MTOR: variants seen among roughly 807,000 people sequenced by gnomAD.
The protein encoded by MTOR is serine/threonine-protein kinase mTOR.
Under a neutral mutation model 319.8 loss-of-function variants are expected in MTOR, and 70 were observed. The observed-to-expected ratio is 0.22, with a 90% CI of 0.18 to 0.27. The LOEUF is 0.27. Among genes scored for constraint, MTOR ranks in the 10% least tolerant of loss-of-function variants. The pLI, the probability that MTOR is intolerant of heterozygous loss-of-function variation, is 1.00. For synonymous variants in MTOR, 1,183 were observed against 1,211.4 expected, an observed-to-expected ratio of 0.98 and a Z score of 0.49; for missense variants, 1,890 against 3,274.4, an observed-to-expected ratio of 0.58 and a Z score of 10.32.
At position 11,108,348 on chromosome 1, in the gene MTOR, C is replaced by T. The variant is rs1196505354; in HGVS notation, c.7529-62G>A. The T allele has an allele frequency of 3.9e-6, 5 of 1,285,756 alleles. No individual in the cohort carries two copies. In the East Asian group the frequency reaches 9.3e-5, roughly 24 times the overall value. 79.6% of individuals were successfully genotyped at this position (1,285,756 alleles called of 1,614,324 possible). On this transcript the variant is annotated intron_variant, in intron 56 of 57. Coordinates refer to ENST00000361445, the MANE Select transcript of MTOR (RefSeq NM_004958.4). ...CTGGCAATCGATGCACTTCTTGTTCCCTGTGGGCTTAACTGTCTATGCCAA... is the reference window on the plus strand; with the variant it reads ...CTGGCAATCGATGCACTTCTTGTTCTCTGTGGGCTTAACTGTCTATGCCAA...
At position 11,121,273 on chromosome 1, in the gene MTOR, C is replaced by A; in HGVS notation, c.6906G>T (p.Leu2302=). Reference sequence around the variant, plus strand: ...CGGAGCTGGGGCTTTTCAGCCACAGCAGCTTGGCCAGGTCGTCCCCAGCTG... The same window carrying A: ...CGGAGCTGGGGCTTTTCAGCCACAGAAGCTTGGCCAGGTCGTCCCCAGCTG... ...NNTAGDDLAK[L]LWLKSPSSEV... The change falls in exon 49 of 58, where the codon CTG becomes CTT. Residue 2302 remains leucine, a synonymous_variant. Coordinates refer to ENST00000361445, the MANE Select transcript of MTOR (RefSeq NM_004958.4). This position sits in a 1 kb window ranked among gnomAD's most constrained non-coding sequence, Gnocchi z 4.9. 1.9e-6 allele frequency: 3 copies of A among 1,613,858 alleles called. No individual in the cohort carries two copies. Among genetic ancestry groups the A allele is most frequent in the Non-Finnish European group, 2.5e-6 (3 of 1,180,038 alleles).
chr1:11,238,808 G>A (rs534727967), intron 11 of MTOR, among the ~76,000 whole-genome samples, 191 bp from the exon 12 acceptor site: 40 of 151,586 alleles, frequency 2.6e-4, no homozygotes, highest in African/African-American at 9.4e-4. Flanking sequence ...TGTCGCCCAG[G>A]CTGGAGTGCA....
rs192437874 is a variant in MTOR at position 11,204,163 on chromosome 1, C to T, written c.3944+398G>A. Among the ~76,000 whole-genome samples the T allele has an allele frequency of 1.0e-3, 154 of 152,296 alleles. 3 individuals carry two copies. The highest frequency in any genetic ancestry group is 7.5e-3 in the South Asian group (36 of 4,828). On this transcript the variant is annotated intron_variant, in intron 26 of 57. Transcript: ENST00000361445. ...AGAGGCGAGCTGTCCCAAAAGTCCT[C>T]CCAAATTGCAGATTCAGGAGTAAAA...
At chr1:11,152,450 T>C (rs1644180002) in intron 30 of MTOR, 1 of 150,490 alleles carries the variant, frequency 6.6e-6, no homozygotes, top group Non-Finnish European at 1.5e-5. Context: ...GGAAGTATTC[T>C]TTCATTTGGA....
intron 20 of MTOR, 129 bp from the exon 21 acceptor site, chr1:11,213,695 T>C (rs1449527534): frequency 2.5e-6 from 2 of 802,018 alleles, no homozygotes; most frequent in South Asian, 1.7e-5. Flanking sequence ...AACTCCTCAC[T>C]CCCCTCCTCC....
intron 24 of MTOR, 145 bp downstream of exon 24, chr1:11,210,669 C>G: frequency 1.7e-6 from 1 of 602,870 alleles, no homozygotes; most frequent in Non-Finnish European, 2.9e-6. Flanking sequence ...GCAAAAGAGA[C>G]CACATAGTCT....
rs1447051772 is a variant in MTOR at position 11,145,521 on chromosome 1, G to A, written c.4687-476C>T. 2.6e-5 allele frequency among the ~76,000 whole-genome samples: 4 copies of A among 151,946 alleles called. No individual in the cohort carries two copies. In the East Asian group the frequency reaches 7.8e-4, roughly 29 times the overall value. ...CCTCCCAAGTAGCTGGGATGCTGGGGTTACAGGCGCCCGCCACCACGCCCA... is the reference window on the plus strand; with the variant it reads ...CCTCCCAAGTAGCTGGGATGCTGGGATTACAGGCGCCCGCCACCACGCCCA... On this transcript the variant is annotated intron_variant, in intron 32 of 57. Transcript: ENST00000361445.
At chr1:11,168,857 T>G (rs1050968259) in intron 28 of MTOR, among the ~76,000 whole-genome samples, 1 of 152,072 alleles carries the variant, frequency 6.6e-6, no homozygotes, top group African/African-American at 2.4e-5. Flanking sequence ...CAATACTAAA[T>G]ATAAGCCTGA....
At chr1:11,196,433 T>A (rs1180678987) in intron 28 of MTOR, among the ~76,000 whole-genome samples, 1 of 152,142 alleles carries the variant, frequency 6.6e-6, no homozygotes, top group Non-Finnish European at 1.5e-5. Context: ...TGATTTGGGA[T>A]TACATCTCGG....
In MTOR at chr1:11,134,484, C is replaced by T. The variant is rs545638796; in HGVS notation, c.5131-18G>A. 3.2e-5 allele frequency: 51 copies of T among 1,610,768 alleles called. No homozygotes were observed. In the South Asian group the frequency reaches 5.4e-4, roughly 17 times the overall value. On this transcript the variant is annotated intron_variant, in intron 36 of 57. Coordinates refer to ENST00000361445, the MANE Select transcript of MTOR (RefSeq NM_004958.4). ...GCATCGATCTGTAACAGGACAAAGGCACAGAGAGCCACTTGGCTTGTGGCC... is the reference window on the plus strand; with the variant it reads ...GCATCGATCTGTAACAGGACAAAGGTACAGAGAGCCACTTGGCTTGTGGCC...
chr1:11,239,069 A>C lies in MTOR; in HGVS notation c.1787-452T>G, dbSNP rs535259512. ...GATTATAGGCGTAAGCCACCGCGCC[A>C]GGCCTGACCCAGAACTTTTAAAGGG... On this transcript the variant is annotated intron_variant, in intron 11 of 57. Coordinates refer to ENST00000361445, the MANE Select transcript of MTOR (RefSeq NM_004958.4). Among the ~76,000 whole-genome samples the C allele has an allele frequency of 2.0e-5, 3 of 152,014 alleles. No homozygotes were observed. In the East Asian group the frequency reaches 5.8e-4, roughly 29 times the overall value.
In MTOR at chr1:11,115,286, C is replaced by G. The variant is rs893784889; in HGVS notation, c.7089+110G>C. ...TTAACTACAGCCTTGGTAGGGCCAG[C>G]AGGGGTTAAGAGTAAGGCAGTTTGG... On this transcript the variant is annotated intron_variant, in intron 51 of 57. Coordinates refer to ENST00000361445, the MANE Select transcript of MTOR (RefSeq NM_004958.4). This position sits in a 1 kb window ranked among gnomAD's most constrained non-coding sequence, Gnocchi z 4.5. The G allele has an allele frequency of 9.9e-7, 1 of 1,009,476 alleles. No individual in the cohort carries two copies. Among genetic ancestry groups the G allele is most frequent in the Non-Finnish European group, 1.6e-6 (1 of 639,122 alleles). 62.5% of individuals were successfully genotyped at this position (1,009,476 alleles called of 1,614,324 possible). A position where few individuals can be genotyped will look rare whatever the true frequency, so the allele number is the denominator to read the frequency against.
chr1:11,238,845 C>A (rs1281375775), intron 11 of MTOR, among the ~76,000 whole-genome samples: 1 of 151,348 alleles, frequency 6.6e-6, no homozygotes, highest in Non-Finnish European at 1.5e-5. Context: ...TCACTGCAGG[C>A]TCCGCCTCCC....
Position 11,109,571 on chromosome 1 carries a change from C to A in MTOR, c.7447+78G>T. The A allele has an allele frequency of 7.0e-7, 1 of 1,424,046 alleles. No individual in the cohort carries two copies. Among genetic ancestry groups the A allele is most frequent in the Non-Finnish European group, 9.9e-7 (1 of 1,012,384 alleles). The allele number at this position is 1,424,046 out of a possible 1,614,324, so 88.2% of individuals were successfully genotyped here. A position where few individuals can be genotyped will look rare whatever the true frequency, so the allele number is the denominator to read the frequency against. On this transcript the variant is annotated intron_variant, in intron 55 of 57. Transcript: ENST00000361445. The surrounding 1 kb of genome is among the most constrained non-coding windows in gnomAD (Gnocchi z 4.0). ...CAGTTTTGTTGCTTCATCTTGTTGA[C>A]CCCTCTCAGGGTATAACACAGCTGC...
At chr1:11,247,542 GAA>G in intron 8 of MTOR, 81 bp downstream of exon 8, 1 of 1,236,634 alleles carries the variant, frequency 8.1e-7, no homozygotes, top group Admixed American at 1.8e-5. Context: ...TGCTTCAAAG[GAA>G]AAGATATTTG....
chr1:11,127,538 T>C lies in MTOR; in HGVS notation c.6216+86A>G. 1 of 1,472,752 alleles carries C rather than the reference T, an allele frequency of 6.8e-7. No individual in the cohort carries two copies. The highest frequency in any genetic ancestry group is 9.1e-7 in the Non-Finnish European group (1 of 1,096,772). The allele number at this position is 1,472,752 out of a possible 1,614,324, so 91.2% of individuals were successfully genotyped here. A position where few individuals can be genotyped will look rare whatever the true frequency, so the allele number is the denominator to read the frequency against. On this transcript the variant is annotated intron_variant, in intron 44 of 57. Coordinates refer to ENST00000361445, the MANE Select transcript of MTOR (RefSeq NM_004958.4). The surrounding 1 kb of genome is among the most constrained non-coding windows in gnomAD (Gnocchi z 5.5). The stretch of plus-strand genomic sequence containing the variant: ...AAGGCCTTGGGTCACGTCCTTTCAT[T>C]CTATAAAAACTTTTCTCATTTCATT...
rs538395310 is a variant in MTOR at position 11,189,031 on chromosome 1, C to T, written c.4253+10227G>A. Among the ~76,000 whole-genome samples, 5 of 152,240 alleles carry T rather than the reference C, an allele frequency of 3.3e-5. No homozygotes were observed. In the South Asian group the frequency reaches 6.2e-4, roughly 19 times the overall value. On this transcript the variant is annotated intron_variant, in intron 28 of 57. Coordinates refer to ENST00000361445, the MANE Select transcript of MTOR (RefSeq NM_004958.4). ...CCCCATGGTTATATAACCTTTTGAA[C>T]GGAATTTGGAAATTCTTCTGACCCT...
chr1:11,113,028 C>T, intron 53 of MTOR, 111 bp from the exon 54 acceptor site: 1 of 1,133,730 alleles, frequency 8.8e-7, no homozygotes, highest in East Asian at 2.4e-5. Flanking sequence ...GCTATAGCCC[C>T]AAAAAAAGAG....
intron 6 of MTOR, among the ~76,000 whole-genome samples, chr1:11,253,587 AC>A (rs1649981079): frequency 6.6e-6 from 1 of 150,578 alleles, no homozygotes; most frequent in Non-Finnish European, 1.5e-5. Context: ...TGTCATGTGG[AC>A]CCCCGTCAAA....
Sources: allele counts gnomAD v4.1 joint callset (sites outside exome capture counted in the v4.1 genomes callset), GRCh38; gene constraint gnomAD v4.1.1; non-coding constraint Gnocchi (gnomAD v3.1); transcripts MANE v1.5; gene names NCBI Gene and HGNC (gene_info 2026-07-23, HGNC 2026-07-21).